NEK1: variants seen among roughly 807,000 people sequenced by gnomAD.
The protein encoded by NEK1 is serine/threonine-protein kinase Nek1.
Under a neutral mutation model 182.1 loss-of-function variants are expected in NEK1, and 137 were observed. That is an observed-to-expected ratio of 0.75 (90% CI 0.65 to 0.87). The LOEUF (loss-of-function observed/expected upper bound fraction) is 0.87. Ranked by LOEUF, NEK1 falls within the 40% of genes least tolerant of loss-of-function variation. The pLI is 0.00. For synonymous variants in NEK1, 513 were observed against 492.2 expected (o/e 1.04, Z -0.56); for missense variants, 1,391 against 1,494.4 (o/e 0.93, Z 1.14).
chr4:169,440,491 CCA>C (rs1289167686), intron 27 of NEK1, among the ~76,000 whole-genome samples: 3 of 152,116 alleles, frequency 2.0e-5, no homozygotes, highest in Admixed American at 2.0e-4. Flanking sequence ...GCATGGCTGA[CCA>C]CAGACACCTG....
At chr4:169,593,487 T>C (rs974734440) in intron 5 of NEK1, among the ~76,000 whole-genome samples, 5 of 152,118 alleles carry the variant, frequency 3.3e-5, no homozygotes, top group African/African-American at 4.8e-5. Flanking sequence ...GGCAACACAG[T>C]CTGGAGGTGA....
chr4:169,561,747 T>G lies in NEK1; in HGVS notation c.1141-10A>C, dbSNP rs1370306517. The G allele has an allele frequency of 1.9e-6, 3 of 1,585,140 alleles. No individual in the cohort carries two copies. The highest frequency in any genetic ancestry group is 2.6e-6 in the Non-Finnish European group (3 of 1,163,732). ...TCATTAAACTAATAATCTGTAACAATTTTAAAGACAAGCTTCTTACAACTC... is the reference window on the plus strand; with the variant it reads ...TCATTAAACTAATAATCTGTAACAAGTTTAAAGACAAGCTTCTTACAACTC... On this transcript the variant is annotated splice_polypyrimidine_tract_variant and intron_variant, in intron 14 of 35. Transcript: ENST00000507142.
chr4:169,562,584 G>A (rs527527686), intron 12 of NEK1, among the ~76,000 whole-genome samples: 2 of 151,978 alleles, frequency 1.3e-5, no homozygotes, highest in Non-Finnish European at 2.9e-5. Context: ...AAAATTTAGG[G>A]TCTATTTTGC....
At position 169,588,196 on chromosome 4, in the gene NEK1, G is replaced by A. The variant is rs146116061; in HGVS notation, c.551+453C>T. Among the ~76,000 whole-genome samples the A allele has an allele frequency of 5.0e-3, 766 of 152,166 alleles. 2 individuals are homozygous for A. Among genetic ancestry groups the A allele is most frequent in the Non-Finnish European group, 8.5e-3 (577 of 67,948 alleles). On this transcript the variant is annotated intron_variant, in intron 8 of 35. Transcript: ENST00000507142. ...TGGATGCTGATTCCACCACTTATTA[G>A]ACTCAAGGATTTCAAAGAAGTTACC... is the stretch of plus-strand genomic sequence containing the variant.
chr4:169,509,231 T>G (rs1561320695), intron 19 of NEK1, among the ~76,000 whole-genome samples: 1 of 152,098 alleles, frequency 6.6e-6, no homozygotes, highest in Non-Finnish European at 1.5e-5. Flanking sequence ...ATATATATAC[T>G]AAACACATAC....
chr4:169,441,113 T>C (rs1016250263), intron 27 of NEK1, among the ~76,000 whole-genome samples: 1 of 152,094 alleles, frequency 6.6e-6, no homozygotes, highest in Non-Finnish European at 1.5e-5. Context: ...AGGAAATGGG[T>C]GGTGCAGCAC....
intron 10 of NEK1, among the ~76,000 whole-genome samples, chr4:169,584,304 T>A (rs1365289329): frequency 6.6e-6 from 1 of 152,144 alleles, no homozygotes; most frequent in Non-Finnish European, 1.5e-5. Flanking sequence ...CTATAATATA[T>A]AAATTACGTT....
chr4:169,542,157 C>CTATCCA (rs1259979121), intron 18 of NEK1, among the ~76,000 whole-genome samples: 12 of 152,266 alleles, frequency 7.9e-5, no homozygotes, highest in Non-Finnish European at 1.5e-4. Context: ...TCTCCAGATG[C>CTATCCA]TATCCATCCC....
intron 12 of NEK1, among the ~76,000 whole-genome samples, chr4:169,575,219 A>C (rs544374426): frequency 5.8e-4 from 88 of 152,370 alleles, no homozygotes; most frequent in African/African-American, 2.0e-3. Flanking sequence ...TTAAAGATAG[A>C]TAAAACCAGC....
intron 18 of NEK1, among the ~76,000 whole-genome samples, chr4:169,546,499 CG>C (rs1470856190): frequency 3.9e-5 from 6 of 152,060 alleles, no homozygotes; most frequent in African/African-American, 1.4e-4. Context: ...CTATTAGGTC[CG>C]CTCAGTCCAG....
intron 8 of NEK1, among the ~76,000 whole-genome samples, chr4:169,588,340 AT>A (rs1276602853): frequency 6.6e-6 from 1 of 152,176 alleles, no homozygotes; most frequent in Non-Finnish European, 1.5e-5. Flanking sequence ...TACCTGGCTT[AT>A]AGTGTGTTCA....
chr4:169,420,598 T>C (rs1444576081), intron 31 of NEK1, among the ~76,000 whole-genome samples: 1 of 152,154 alleles, frequency 6.6e-6, no homozygotes, highest in Non-Finnish European at 1.5e-5. Context: ...CTGCTGTATA[T>C]GGGGTCTGTA....
At chr4:169,587,674 A>C in intron 8 of NEK1, 61 bp from the exon 9 acceptor site, 6 of 1,015,680 alleles carry the variant, frequency 5.9e-6, no homozygotes, top group Non-Finnish European at 8.8e-6. Context: ...ATTTAAAGGA[A>C]ACACAAACAG....
intron 19 of NEK1, among the ~76,000 whole-genome samples, chr4:169,511,004 G>A (rs934223831): frequency 3.3e-5 from 5 of 152,200 alleles, no homozygotes; most frequent in South Asian, 2.1e-4. Context: ...TGGTGGAAGC[G>A]CAGTATATTT....
At chr4:169,402,681 C>A (rs1731891319) in intron 32 of NEK1, among the ~76,000 whole-genome samples, 1 of 152,064 alleles carries the variant, frequency 6.6e-6, no homozygotes, top group African/African-American at 2.4e-5. Context: ...ATTTTATCCA[C>A]AAAAAATCAC....
chr4:169,501,551 C>A (rs956653407), intron 23 of NEK1, among the ~76,000 whole-genome samples: 1 of 152,140 alleles, frequency 6.6e-6, no homozygotes, highest in Admixed American at 6.5e-5. Context: ...TACTAAGCAT[C>A]TTCTTGGACC....
rs1413375690 is a variant in NEK1 at position 169,459,407 on chromosome 4, G to A, written c.2587+3836C>T. ...CAACACCAAATGCTGGAGAGGACAT[G>A]GAGTAAAAGGAACTCTCATTCATAC... On this transcript the variant is annotated intron_variant, in intron 27 of 35. Transcript: ENST00000507142. Among the ~76,000 whole-genome samples the A allele has an allele frequency of 2.6e-5, 4 of 152,158 alleles. No individual in the cohort carries two copies. In the East Asian group the frequency reaches 5.8e-4, roughly 22 times the overall value.
chr4:169,435,640 G>C (rs922446094), intron 28 of NEK1, among the ~76,000 whole-genome samples: 1 of 152,102 alleles, frequency 6.6e-6, no homozygotes, highest in African/African-American at 2.4e-5. Flanking sequence ...AGAGAACTGG[G>C]AACTTCTATT....
At chr4:169,565,019 C>A (rs1763460071) in intron 12 of NEK1, among the ~76,000 whole-genome samples, 1 of 152,164 alleles carries the variant, frequency 6.6e-6, no homozygotes, top group South Asian at 2.1e-4. Context: ...GTTCTTAGAA[C>A]TATCCCACAC....
Sources: gnomAD v4.1 joint callset for allele counts (sites outside exome capture counted in the v4.1 genomes callset) on GRCh38, gnomAD v4.1.1 for gene constraint, MANE v1.5 for transcripts, NCBI Gene and HGNC (gene_info 2026-07-23, HGNC 2026-07-21) for gene names.